The following P4HA2 variants were observed in gnomAD, a reference collection of about 807,000 sequenced individuals.
P4HA2 encodes prolyl 4-hydroxylase subunit alpha-2.
P4HA2 carries 46 observed loss-of-function variants against 76.9 expected under a neutral mutation model. The ratio of observed to expected loss-of-function variants is 0.60; its 90% CI spans 0.47 to 0.76. P4HA2 has a LOEUF of 0.76. Ranked by LOEUF, P4HA2 falls within the 30% of genes least tolerant of loss-of-function variation. The pLI, the probability that P4HA2 is intolerant of heterozygous loss-of-function variation, is 0.00. For synonymous variants in P4HA2, 243 were observed against 254.0 expected (o/e 0.96, Z 0.41); for missense variants, 583 against 669.4 (o/e 0.87, Z 1.42).
chr5:132,223,985 G>C (rs1371904342), intron 1 of P4HA2, among the ~76,000 whole-genome samples: 18 of 152,230 alleles, frequency 1.2e-4, no homozygotes, highest in Non-Finnish European at 1.2e-4. Context: ...GCCTGCCCAG[G>C]TTAAGGACTT....
chr5:132,203,706 T>A (rs1439587217), intron 10 of P4HA2, 42 bp downstream of exon 10: 7 of 1,301,154 alleles, frequency 5.4e-6, no homozygotes, highest in Non-Finnish European at 7.8e-6. Flanking sequence ...TAGCCACAAA[T>A]ACCCACTTCC....
At chr5:132,201,183 C>A (rs1490793631) in intron 10 of P4HA2, 3 of 152,190 alleles carry the variant, frequency 2.0e-5, no homozygotes, top group Non-Finnish European at 2.9e-5. Context: ...TTAAAAAGGT[C>A]AGAAATCACT....
rs1754248198 is a variant in P4HA2 at position 132,218,643 on chromosome 5, G to A, written c.-17C>T. 1 of 1,590,336 alleles carries A rather than the reference G, an allele frequency of 6.3e-7. No homozygotes were observed. The highest frequency in any genetic ancestry group is 1.3e-5 in the African/African-American group (1 of 74,514). Reference sequence around the variant, plus strand: ...GAGTTTCATGGTCACAGAGGGAAGTGTCTGAAAGGCATTCAATGACAATCA... The same window carrying A: ...GAGTTTCATGGTCACAGAGGGAAGTATCTGAAAGGCATTCAATGACAATCA... On this transcript the variant is annotated splice_region_variant and 5_prime_UTR_variant, in exon 2 of 15. Coordinates refer to ENST00000360568, the MANE Select transcript of P4HA2 (RefSeq NM_001017974.2).
chr5:132,205,299 G>A (rs1752060393), intron 8 of P4HA2, among the ~76,000 whole-genome samples: 1 of 152,172 alleles, frequency 6.6e-6, no homozygotes, highest in East Asian at 1.9e-4. Context: ...AACAGGGAAA[G>A]AGCAGCAATC....
chr5:132,197,607 C>A (rs80259769), intron 12 of P4HA2, among the ~76,000 whole-genome samples: 1 of 111,140 alleles, frequency 9.0e-6, no homozygotes, highest in African/African-American at 4.5e-5. Context: ...GACTCCATCT[C>A]CAAAAAAAAA....
intron 5 of P4HA2, among the ~76,000 whole-genome samples, chr5:132,211,466 A>G (rs1209711132): frequency 6.6e-6 from 1 of 152,184 alleles, no homozygotes; most frequent in Non-Finnish European, 1.5e-5. Context: ...GAACTCAGAG[A>G]AGGCTCTTTC....
intron 1 of P4HA2, among the ~76,000 whole-genome samples, chr5:132,221,649 C>G (rs1267016984): frequency 6.6e-6 from 1 of 152,100 alleles, no homozygotes; most frequent in Non-Finnish European, 1.5e-5. Context: ...ATACATCTGG[C>G]TATATCTTGG....
At chr5:132,193,160 C>T (rs1580630008) in intron 14 of P4HA2, 80 bp from the exon 15 acceptor site, 1 of 910,948 alleles carries the variant, frequency 1.1e-6, no homozygotes, top group East Asian at 2.4e-5. Flanking sequence ...ATGATGACCC[C>T]CTGCACTGTG....
intron 5 of P4HA2, among the ~76,000 whole-genome samples, chr5:132,212,025 A>C (rs1217950819): frequency 1.3e-5 from 2 of 151,974 alleles, no homozygotes; most frequent in Non-Finnish European, 2.9e-5. Context: ...TCGAATGTCT[A>C]CTCCCTGGAG....
In P4HA2 at chr5:132,224,496, T is replaced by C. The variant is rs78869957; in HGVS notation, c.-19+3294A>G. 2.8e-4 allele frequency among the ~76,000 whole-genome samples: 42 copies of C among 152,356 alleles called. No individual in the cohort carries two copies. The East Asian group carries it at 8.1e-3, about 29-fold the overall frequency. On this transcript the variant is annotated intron_variant, in intron 1 of 14. Transcript: ENST00000360568. Reference sequence around the variant, plus strand: ...TGCCCAGCCCAAGTCAGCTGATTCCTGGGTGAGAAAGAAGGTCCAGACTAG... The same window carrying C: ...TGCCCAGCCCAAGTCAGCTGATTCCCGGGTGAGAAAGAAGGTCCAGACTAG...
intron 1 of P4HA2, among the ~76,000 whole-genome samples, chr5:132,224,220 G>A (rs1228550151): frequency 6.6e-6 from 1 of 152,226 alleles, no homozygotes. Context: ...CTGCCCTAGG[G>A]TCAGACATAC....
intron 9 of P4HA2, 65 bp downstream of exon 9, chr5:132,204,017 G>A (rs1457738385): frequency 1.5e-6 from 2 of 1,366,488 alleles, no homozygotes; most frequent in East Asian, 2.3e-5. Context: ...CCCATCCCTA[G>A]GGTAGGCACT....
At position 132,190,191 on chromosome 5, in the gene P4HA2, C is replaced by A. The variant is rs1294369114; in HGVS notation, c.*2819G>T. Among the ~76,000 whole-genome samples, 1 of 152,098 alleles carries A rather than the reference C, an allele frequency of 6.6e-6. No homozygotes were observed. The highest frequency in any genetic ancestry group is 2.4e-5 in the African/African-American group (1 of 41,426). ...ATTTTCCACAATTGATTAAGGATAC[C>A]ATTGTACAAATTCAAGAATCCAAAA... On this transcript the variant is annotated 3_prime_UTR_variant, in exon 15 of 15. Transcript: ENST00000360568.
intron 8 of P4HA2, 110 bp downstream of exon 8, chr5:132,207,598 A>G (rs1386475457): frequency 7.2e-6 from 6 of 831,706 alleles, no homozygotes; most frequent in Non-Finnish European, 1.2e-5. Context: ...CCCATGCTAG[A>G]TATGGATAAA....
At chr5:132,215,972 C>T (rs751705257) in intron 4 of P4HA2, among the ~76,000 whole-genome samples, 6 of 149,392 alleles carry the variant, frequency 4.0e-5, no homozygotes, top group Non-Finnish European at 8.9e-5. Flanking sequence ...ACATCCTAGC[C>T]AACATGGTGA....
intron 14 of P4HA2, among the ~76,000 whole-genome samples, chr5:132,194,445 C>T (rs541501601): frequency 3.3e-5 from 5 of 152,318 alleles, no homozygotes. Context: ...AAGCTTGAGC[C>T]TCTGCAGTTT....
chr5:132,219,294 G>A (rs1462604125), intron 1 of P4HA2, among the ~76,000 whole-genome samples: 1 of 152,156 alleles, frequency 6.6e-6, no homozygotes, highest in African/African-American at 2.4e-5. Context: ...AAGGCTCCTT[G>A]GCAGACACTG....
intron 1 of P4HA2, among the ~76,000 whole-genome samples, chr5:132,219,798 T>G (rs1754414357): frequency 6.6e-6 from 1 of 152,170 alleles, no homozygotes; most frequent in African/African-American, 2.4e-5. Context: ...CATACTTGAT[T>G]AGACACACAG....
chr5:132,203,928 G>A (rs1751848100), intron 9 of P4HA2, 81 bp from the exon 10 acceptor site: 2 of 1,228,454 alleles, frequency 1.6e-6, no homozygotes, highest in Non-Finnish European at 1.2e-6. Flanking sequence ...CCCAGAGTCA[G>A]GGCCAGCATG....
Sources: gnomAD v4.1 joint callset for allele counts (sites outside exome capture counted in the v4.1 genomes callset) on GRCh38, gnomAD v4.1.1 for gene constraint, MANE v1.5 for transcripts, NCBI Gene and HGNC (gene_info 2026-07-23, HGNC 2026-07-21) for gene names.